Variants in AGBL4 observed in about 807,000 individuals in gnomAD.
AGBL4 encodes AGBL carboxypeptidase 4.
A neutral mutation model predicts 66.4 loss-of-function variants in AGBL4; 58 were observed. That is an observed-to-expected ratio of 0.87 (90% CI 0.71 to 1.09). The LOEUF is 1.09. AGBL4 is among the 50% of genes least tolerant of loss of function. AGBL4 has a pLI of 0.00. For synonymous variants in AGBL4, 234 were observed against 222.9 expected, an observed-to-expected ratio of 1.05 and a Z score of -0.44; for missense variants, 579 against 631.0, an observed-to-expected ratio of 0.92 and a Z score of 0.88.
intron 5 of AGBL4, among the ~76,000 whole-genome samples, chr1:48,913,502 A>T (rs1653325323): frequency 6.6e-6 from 1 of 152,174 alleles, no homozygotes; most frequent in African/African-American, 2.4e-5. Flanking sequence ...TCAGATCAAC[A>T]GCAGCCTTAG....
chr1:49,653,583 C>T (rs927643169), intron 3 of AGBL4, among the ~76,000 whole-genome samples: 1 of 151,798 alleles, frequency 6.6e-6, no homozygotes, highest in African/African-American at 2.4e-5. Context: ...CAAAACATTA[C>T]AGGAACTGTT....
chr1:49,838,010 G>A (rs998633472), intron 2 of AGBL4, among the ~76,000 whole-genome samples: 4 of 152,128 alleles, frequency 2.6e-5, no homozygotes, highest in African/African-American at 7.2e-5. Flanking sequence ...TCAACATTCA[G>A]GAATGAATCA....
intron 6 of AGBL4, among the ~76,000 whole-genome samples, chr1:48,710,561 G>T (rs1646950329): frequency 6.6e-6 from 1 of 152,186 alleles, no homozygotes; most frequent in Non-Finnish European, 1.5e-5. Flanking sequence ...CTTTGTCCTA[G>T]TACAGCAGGG....
intron 5 of AGBL4, among the ~76,000 whole-genome samples, chr1:49,001,963 C>T (rs1038591626): frequency 2.0e-5 from 3 of 152,182 alleles, no homozygotes; most frequent in African/African-American, 7.2e-5. Flanking sequence ...GTAAGATAAT[C>T]GTCTTTACAC....
intron 9 of AGBL4, among the ~76,000 whole-genome samples, chr1:48,611,157 C>A (rs1294773799): frequency 6.6e-6 from 1 of 152,230 alleles, no homozygotes; most frequent in Non-Finnish European, 1.5e-5. Context: ...ACGGATAGGC[C>A]GCCCAGCCCT....
chr1:49,888,639 C>T (rs564622999), intron 1 of AGBL4, among the ~76,000 whole-genome samples: 2 of 152,240 alleles, frequency 1.3e-5, no homozygotes, highest in East Asian at 1.9e-4. Context: ...CAGACTTGCA[C>T]TATTAGATTG....
chr1:49,412,922 A>T (rs1177190486), intron 3 of AGBL4, among the ~76,000 whole-genome samples: 1 of 152,150 alleles, frequency 6.6e-6, no homozygotes, highest in East Asian at 1.9e-4. Context: ...TAAGAAGAAG[A>T]GGAGGAGGAG....
chr1:49,341,661 G>A (rs1445472808), intron 3 of AGBL4, among the ~76,000 whole-genome samples: 3 of 152,166 alleles, frequency 2.0e-5, no homozygotes, highest in Non-Finnish European at 2.9e-5. Context: ...GGCTGTGAGT[G>A]ACAGGATTAG....
At chr1:49,704,646 T>C (rs1168533210) in intron 2 of AGBL4, among the ~76,000 whole-genome samples, 4 of 152,172 alleles carry the variant, frequency 2.6e-5, no homozygotes, top group Admixed American at 2.6e-4. Flanking sequence ...TTTCTGCATA[T>C]GGCTAGCCAG....
chr1:49,340,950 T>TA (rs1332056157), intron 3 of AGBL4, among the ~76,000 whole-genome samples: 2 of 152,208 alleles, frequency 1.3e-5, no homozygotes, highest in Non-Finnish European at 2.9e-5. Context: ...AGACAGTAGT[T>TA]ACACAAAGAT....
intron 6 of AGBL4, among the ~76,000 whole-genome samples, chr1:48,665,024 G>GTTGGAAT (rs1319147337): frequency 3.9e-5 from 6 of 152,220 alleles, no homozygotes; most frequent in Admixed American, 1.3e-4. Context: ...AACAGTCACT[G>GTTGGAAT]CACCAATGTC....
chr1:48,864,550 T>A (rs1647806527), intron 6 of AGBL4, among the ~76,000 whole-genome samples: 1 of 152,202 alleles, frequency 6.6e-6, no homozygotes, highest in Admixed American at 6.5e-5. Flanking sequence ...TAAATTGTAA[T>A]TCAATCATAT....
chr1:48,688,956 T>C (rs1177206254), intron 6 of AGBL4, among the ~76,000 whole-genome samples: 2 of 151,882 alleles, frequency 1.3e-5, no homozygotes, highest in African/African-American at 4.8e-5. Flanking sequence ...TTGGCATCTA[T>C]CAGGCAGTGG....
intron 4 of AGBL4, among the ~76,000 whole-genome samples, chr1:49,192,663 C>T (rs1324410643): frequency 6.6e-6 from 1 of 152,186 alleles, no homozygotes; most frequent in African/African-American, 2.4e-5. Context: ...CTGTTCATGT[C>T]CTTTGTAAAA....
chr1:49,568,600 G>A (rs977272380), intron 3 of AGBL4, among the ~76,000 whole-genome samples: 23 of 151,036 alleles, frequency 1.5e-4, no homozygotes, highest in Admixed American at 7.3e-4. Context: ...TAAATTCAAT[G>A]CTATCCCTAT....
chr1:48,551,123 G>A (rs1644242603), intron 11 of AGBL4, among the ~76,000 whole-genome samples: 1 of 152,090 alleles, frequency 6.6e-6, no homozygotes, highest in Admixed American at 6.6e-5. Context: ...CACCTCCAAG[G>A]TAAGACCTAA....
At chr1:48,612,727 G>C (rs1645257461) in intron 9 of AGBL4, among the ~76,000 whole-genome samples, 1 of 152,190 alleles carries the variant, frequency 6.6e-6, no homozygotes, top group East Asian at 1.9e-4. Context: ...TATTAAAAGA[G>C]GTGTTGAATT....
intron 4 of AGBL4, among the ~76,000 whole-genome samples, chr1:49,093,363 T>C (rs1645034415): frequency 6.6e-6 from 1 of 152,192 alleles, no homozygotes; most frequent in African/African-American, 2.4e-5. Flanking sequence ...CTTACTAGAT[T>C]CTCACACCAG....
At chr1:48,992,363 C>G (rs573088124) in intron 5 of AGBL4, among the ~76,000 whole-genome samples, 22 of 152,120 alleles carry the variant, frequency 1.4e-4, no homozygotes, top group African/African-American at 5.3e-4. Context: ...CTCTCTCTCT[C>G]TGTGCAGAGC....
Sources: gnomAD v4.1 joint callset for allele counts (sites outside exome capture counted in the v4.1 genomes callset) on GRCh38, gnomAD v4.1.1 for gene constraint, MANE v1.5 for transcripts, NCBI Gene and HGNC (gene_info 2026-07-23, HGNC 2026-07-21) for gene names.